MYLK4: variants seen among roughly 807,000 people sequenced by gnomAD.
MYLK4 encodes myosin light chain kinase family member 4.
A neutral mutation model predicts 48.1 loss-of-function variants in MYLK4; 46 were observed. The observed-to-expected ratio is 0.96, with a 90% CI of 0.75 to 1.22. The LOEUF (loss-of-function observed/expected upper bound fraction) is 1.22. MYLK4 is among the 50% of genes most tolerant of loss of function. MYLK4 has a pLI of 0.00. For synonymous variants in MYLK4, 170 were observed against 180.8 expected (o/e 0.94, Z 0.48); for missense variants, 451 against 486.1 (o/e 0.93, Z 0.68).
At chr6:2,760,947 C>T in the MYLK4 span, among the ~76,000 whole-genome samples, 19 of 152,222 alleles carry the variant, frequency 1.2e-4, no homozygotes, top group East Asian at 9.6e-4. Context: ...GAATAGATAA[C>T]CATACGACTA....
intron 12 of MYLK4, among the ~76,000 whole-genome samples, chr6:2,669,705 G>C (rs1405821232): frequency 6.6e-6 from 1 of 152,136 alleles, no homozygotes. Flanking sequence ...CATAACCTAG[G>C]CCTGGGGGCA....
chr6:2,731,872 T>G lies in MYLK4; in HGVS notation c.159+17264A>C, dbSNP rs111849829. 6.2e-4 allele frequency among the ~76,000 whole-genome samples: 94 copies of G among 152,334 alleles called. No individual in the cohort carries two copies. In the Middle Eastern group the frequency reaches 0.014, roughly 22 times the overall value. Reference sequence around the variant, plus strand: ...AAAGTTGACATTTTAAGGAGACTGGTGAGGAAGAGCAAGTGGCAGCAAGTA... The same window carrying G: ...AAAGTTGACATTTTAAGGAGACTGGGGAGGAAGAGCAAGTGGCAGCAAGTA... On this transcript the variant is annotated intron_variant, in intron 2 of 12. Transcript: ENST00000274643.
At chr6:2,696,182 G>C (rs912379056) in intron 2 of MYLK4, among the ~76,000 whole-genome samples, 3 of 152,210 alleles carry the variant, frequency 2.0e-5, no homozygotes, top group Non-Finnish European at 4.4e-5. Context: ...TCAAAACACA[G>C]CTTAGCTCTC....
chr6:2,764,208 G>A, the MYLK4 span, among the ~76,000 whole-genome samples: 1 of 152,182 alleles, frequency 6.6e-6, no homozygotes, highest in African/African-American at 2.4e-5. Flanking sequence ...TGTTTCTCTA[G>A]CGTTTCTATT....
intron 2 of MYLK4, among the ~76,000 whole-genome samples, chr6:2,721,986 A>T (rs1158361415): frequency 1.3e-5 from 2 of 152,254 alleles, no homozygotes; most frequent in Non-Finnish European, 2.9e-5. Context: ...CTACTGGAAG[A>T]TGTATGACAT....
chr6:2,714,404 C>G (rs1315180715), intron 2 of MYLK4, among the ~76,000 whole-genome samples: 1 of 152,208 alleles, frequency 6.6e-6, no homozygotes, highest in African/African-American at 2.4e-5. Context: ...AGTGTAAATA[C>G]AGTTGCCAAT....
the MYLK4 span, among the ~76,000 whole-genome samples, chr6:2,764,761 C>G: frequency 6.6e-6 from 1 of 152,164 alleles, no homozygotes; most frequent in East Asian, 1.9e-4. Context: ...TCTCTTGGCT[C>G]GAAGCGCGCT....
chr6:2,726,488 A>G (rs1763279010), intron 2 of MYLK4, among the ~76,000 whole-genome samples: 1 of 152,164 alleles, frequency 6.6e-6, no homozygotes, highest in Admixed American at 6.5e-5. Context: ...CTTAGAGGAG[A>G]CAAAAACCAT....
At chr6:2,720,166 A>T (rs1763018697) in intron 2 of MYLK4, among the ~76,000 whole-genome samples, 1 of 152,152 alleles carries the variant, frequency 6.6e-6, no homozygotes. Flanking sequence ...GCACTTTGGG[A>T]GGCTGAGGCG....
At chr6:2,718,107 G>C (rs1762933376) in intron 2 of MYLK4, among the ~76,000 whole-genome samples, 1 of 148,428 alleles carries the variant, frequency 6.7e-6, no homozygotes, top group Non-Finnish European at 1.5e-5. Context: ...TTGAACCTGG[G>C]AGGTGGAGAT....
intron 7 of MYLK4, 48 bp downstream of exon 7, chr6:2,682,973 C>G: frequency 6.2e-7 from 1 of 1,611,588 alleles, no homozygotes; most frequent in South Asian, 1.1e-5. Flanking sequence ...GCCCACTGTG[C>G]AAGAGCTGGG....
At chr6:2,765,782 T>G in the MYLK4 span, 1 of 1,438,314 alleles carries the variant, frequency 7.0e-7, no homozygotes, top group Non-Finnish European at 9.1e-7. Context: ...CGCGGCCGGG[T>G]CGCACCGCGC....
At chr6:2,742,881 T>A (rs1763947011) in intron 2 of MYLK4, among the ~76,000 whole-genome samples, 1 of 152,002 alleles carries the variant, frequency 6.6e-6, no homozygotes, top group Non-Finnish European at 1.5e-5. Flanking sequence ...TAAAAATAAA[T>A]AAATAAGGCA....
intron 12 of MYLK4, among the ~76,000 whole-genome samples, chr6:2,669,530 T>C (rs1265060000): frequency 5.9e-5 from 9 of 152,076 alleles, no homozygotes; most frequent in Non-Finnish European, 1.3e-4. Flanking sequence ...CCGGTCCTTA[T>C]GGTGGGAAGG....
chr6:2,704,521 T>C (rs1271888478), intron 2 of MYLK4, among the ~76,000 whole-genome samples: 2 of 152,346 alleles, frequency 1.3e-5, no homozygotes, highest in East Asian at 3.9e-4. Context: ...TCAGAACATG[T>C]ACTATAAACA....
intron 2 of MYLK4, among the ~76,000 whole-genome samples, chr6:2,734,440 G>T (rs1012207368): frequency 6.6e-6 from 1 of 152,126 alleles, no homozygotes; most frequent in Non-Finnish European, 1.5e-5. Context: ...TCTCACCCGG[G>T]CTTATCTAAC....
chr6:2,667,065 T>C lies in MYLK4; in HGVS notation c.*860A>G, dbSNP rs550406162. ...CCAGGAGGTGCAGATCCGTCTCTTT[T>C]AGTTGACAAATGGGGCTTGAGGAAA... On this transcript the variant is annotated 3_prime_UTR_variant, in exon 13 of 13. Transcript: ENST00000274643. 2 of 152,034 alleles carry C rather than the reference T, an allele frequency of 1.3e-5. No individual in the cohort carries two copies. Among genetic ancestry groups the C allele is most frequent in the African/African-American group, 2.4e-5 (1 of 41,430 alleles). The allele number at this position is 152,034 out of a possible 1,614,324, so 9.4% of individuals were successfully genotyped here. A position where few individuals can be genotyped will look rare whatever the true frequency, so the allele number is the denominator to read the frequency against.
chr6:2,733,131 T>C (rs1763537763), intron 2 of MYLK4, among the ~76,000 whole-genome samples: 1 of 152,248 alleles, frequency 6.6e-6, no homozygotes, highest in South Asian at 2.1e-4. Flanking sequence ...TTATAATCTG[T>C]TGTTTTTACC....
intron 2 of MYLK4, among the ~76,000 whole-genome samples, chr6:2,726,347 T>C (rs188239139): frequency 6.6e-6 from 1 of 152,272 alleles, no homozygotes; most frequent in Admixed American, 6.5e-5. Context: ...TCGTAGCCAT[T>C]TTGCCAGGAA....
Sources: gnomAD v4.1 joint callset for allele counts (sites outside exome capture counted in the v4.1 genomes callset) on GRCh38, gnomAD v4.1.1 for gene constraint, MANE v1.5 for transcripts, NCBI Gene and HGNC (gene_info 2026-07-23, HGNC 2026-07-21) for gene names.